SLC12A6: variants seen among roughly 807,000 people sequenced by gnomAD.
SLC12A6 encodes K-Cl cotransporter 3.
SLC12A6 carries 66 observed loss-of-function variants against 135.3 expected under a neutral mutation model. The ratio of observed to expected loss-of-function variants is 0.49; its 90% confidence interval spans 0.40 to 0.60. The LOEUF is 0.60. Ranked by LOEUF, SLC12A6 falls within the 20% of genes least tolerant of loss-of-function variation. SLC12A6 has a pLI of 0.00. For synonymous variants in SLC12A6, 513 were observed against 508.8 expected (o/e 1.01, Z -0.11); for missense variants, 1,058 against 1,452.3 (o/e 0.73, Z 4.41).
intron 2 of SLC12A6, 23 bp from the exon 3 acceptor site, chr15:34,275,412 G>C: frequency 1.4e-6 from 2 of 1,404,572 alleles, no homozygotes; most frequent in Non-Finnish European, 2.0e-6. Context: ...CAATTGAAAA[G>C]AAAAGAAAAA....
At chr15:34,259,757 G>A (rs1892986273) in intron 4 of SLC12A6, among the ~76,000 whole-genome samples, 3 of 152,184 alleles carry the variant, frequency 2.0e-5, no homozygotes, top group Admixed American at 2.0e-4. Context: ...ACAGCTTATG[G>A]AGCCTGGCCA....
chr15:34,249,124 G>A (rs976868563), intron 13 of SLC12A6, among the ~76,000 whole-genome samples: 1 of 152,186 alleles, frequency 6.6e-6, no homozygotes, highest in Non-Finnish European at 1.5e-5. Context: ...TGGTGGCAGT[G>A]TGGAAGAAGG....
intron 3 of SLC12A6, among the ~76,000 whole-genome samples, chr15:34,268,833 T>C (rs1033469308): frequency 6.6e-6 from 1 of 152,014 alleles, no homozygotes; most frequent in Admixed American, 6.6e-5. Context: ...ACCTGTCAGA[T>C]TACTATTATG....
intron 2 of SLC12A6, among the ~76,000 whole-genome samples, chr15:34,277,101 C>T (rs945802314): frequency 6.6e-6 from 1 of 152,060 alleles, no homozygotes; most frequent in African/African-American, 2.4e-5. Flanking sequence ...AAGTGAATTC[C>T]CAGTTTTTAC....
rs112473788 is a variant in SLC12A6, at chr15:34,229,888, T to C, written c.*3993A>G. 12,860 of 1,152,538 alleles carry C rather than the reference T, an allele frequency of 0.011. 144 individuals carry two copies. Among genetic ancestry groups the C allele is most frequent in the Non-Finnish European group, 0.012 (9,015 of 765,812 alleles). The allele number at this position is 1,152,538 out of a possible 1,614,324, so 71.4% of individuals were successfully genotyped here. On this transcript the variant is annotated 3_prime_UTR_variant, in exon 26 of 26. Transcript: ENST00000354181. Reference sequence around the variant, plus strand: ...AGCATACTCTTAAACTAATCACTTATGTTAAAAAGAACCAAAAGACTCTTT... The same window carrying C: ...AGCATACTCTTAAACTAATCACTTACGTTAAAAAGAACCAAAAGACTCTTT...
At chr15:34,238,434 C>T (rs757401702) in intron 20 of SLC12A6, 33 bp from the exon 21 acceptor site, 1 of 1,568,920 alleles carries the variant, frequency 6.4e-7, no homozygotes, top group African/African-American at 1.3e-5. Context: ...AGAGAAGAAT[C>T]CTTAGGCTTG....
Position 34,242,244 on chromosome 15 carries a change from G to T in SLC12A6, c.2043-23C>A, listed in dbSNP as rs201581346. 4.5e-5 allele frequency: 71 copies of T among 1,565,550 alleles called. No individual in the cohort carries two copies. The Middle Eastern group carries it at 1.4e-3, about 30-fold the overall frequency. On this transcript the variant is annotated intron_variant, in intron 16 of 25. Transcript: ENST00000354181. ...GCCCTAGAAAATTAAAAACAAAAAAGTATCTTTTAAAGTAGCTGAAAAAGA... is the reference window on the plus strand; with the variant it reads ...GCCCTAGAAAATTAAAAACAAAAAATTATCTTTTAAAGTAGCTGAAAAAGA...
intron 3 of SLC12A6, 59 bp downstream of exon 3, chr15:34,275,286 T>C (rs1324565212): frequency 1.4e-5 from 12 of 856,274 alleles, no homozygotes; most frequent in Non-Finnish European, 2.4e-5. Context: ...TAATGTCTGT[T>C]AGGATAAATG....
intron 2 of SLC12A6, among the ~76,000 whole-genome samples, chr15:34,335,781 CAG>C (rs1380174328): frequency 1.3e-5 from 2 of 152,144 alleles, no homozygotes; most frequent in African/African-American, 4.8e-5. Flanking sequence ...ATCTAAAGCT[CAG>C]AGAGAATAAA....
intron 2 of SLC12A6, among the ~76,000 whole-genome samples, chr15:34,304,959 C>T (rs6495650): frequency 0.039 from 5,970 of 152,190 alleles, 216 homozygotes; most frequent in African/African-American, 0.099. Context: ...GGTATTATAT[C>T]CTTGAAATTT....
chr15:34,323,605 C>G (rs1474700293), intron 2 of SLC12A6, among the ~76,000 whole-genome samples: 1 of 152,210 alleles, frequency 6.6e-6, no homozygotes, highest in African/African-American at 2.4e-5. Context: ...GAAAAACTGT[C>G]TTCCATGAAA....
chr15:34,298,360 G>A (rs1470117243), intron 2 of SLC12A6, among the ~76,000 whole-genome samples: 1 of 151,868 alleles, frequency 6.6e-6, no homozygotes, highest in Non-Finnish European at 1.5e-5. Context: ...CTGCAATCCT[G>A]GCTACTCGGG....
At chr15:34,320,621 T>TA (rs971623411) in intron 2 of SLC12A6, among the ~76,000 whole-genome samples, 4 of 143,246 alleles carry the variant, frequency 2.8e-5, no homozygotes, top group African/African-American at 1.0e-4. Context: ...TTTTTTTTTT[T>TA]AAAGAAAAAG....
chr15:34,271,056 T>C (rs552746298), intron 3 of SLC12A6, among the ~76,000 whole-genome samples: 22 of 152,070 alleles, frequency 1.4e-4, no homozygotes, highest in Non-Finnish European at 2.5e-4. Context: ...GCCCCCATGA[T>C]TGTTACCTCC....
At chr15:34,253,787 G>T (rs1250329359) in intron 9 of SLC12A6, among the ~76,000 whole-genome samples, 1 of 152,206 alleles carries the variant, frequency 6.6e-6, no homozygotes, top group African/African-American at 2.4e-5. Context: ...GAGCCTGTGA[G>T]TCACAGATGT....
In SLC12A6 at chr15:34,326,691, AC is replaced by A. The variant is rs1207928378; in HGVS notation, c.271+9718del. On this transcript the variant is annotated intron_variant, in intron 2 of 25. Coordinates refer to ENST00000354181, the MANE Select transcript of SLC12A6 (RefSeq NM_001365088.1). The stretch of plus-strand genomic sequence containing the variant: ...TATTCAGAGAATATGTCATTTTATT[AC>A]TTTTTTTTTTTTTTTTTGATACAGG... 1.1e-4 allele frequency among the ~76,000 whole-genome samples: 7 copies of A among 63,308 alleles called. No individual in the cohort carries two copies. In the East Asian group the frequency reaches 3.4e-3, roughly 31 times the overall value. The allele number at this position is 63,308 out of a possible 152,430, so 41.5% of individuals were successfully genotyped here. A position where few individuals can be genotyped will look rare whatever the true frequency, so the allele number is the denominator to read the frequency against.
At chr15:34,319,464 T>C (rs1008745603) in intron 2 of SLC12A6, among the ~76,000 whole-genome samples, 10 of 152,046 alleles carry the variant, frequency 6.6e-5, no homozygotes, top group African/African-American at 2.4e-4. Flanking sequence ...ATTTTTATAC[T>C]GTCCTCTTTA....
At chr15:34,286,131 T>C (rs1343314940) in intron 2 of SLC12A6, among the ~76,000 whole-genome samples, 3 of 152,022 alleles carry the variant, frequency 2.0e-5, no homozygotes, top group African/African-American at 4.8e-5. Flanking sequence ...TGGAGTGTGG[T>C]AGCACGATCT....
chr15:34,323,815 T>C (rs1486311619), intron 2 of SLC12A6, among the ~76,000 whole-genome samples: 1 of 152,090 alleles, frequency 6.6e-6, no homozygotes, highest in African/African-American at 2.4e-5. Context: ...TAGCCAGGTT[T>C]GCTACTGAAT....
Sources: gnomAD v4.1 joint callset for allele counts (sites outside exome capture counted in the v4.1 genomes callset) on GRCh38, gnomAD v4.1.1 for gene constraint, MANE v1.5 for transcripts, NCBI Gene and HGNC (gene_info 2026-07-23, HGNC 2026-07-21) for gene names.